The following DGKB variants were observed in gnomAD, a reference collection of about 807,000 sequenced individuals.
DGKB encodes the protein diacylglycerol kinase beta.
DGKB carries 67 observed loss-of-function variants against 114.3 expected under a neutral mutation model. The ratio of observed to expected loss-of-function variants is 0.59; its 90% CI spans 0.48 to 0.72. DGKB has a LOEUF of 0.72. DGKB is among the 30% of genes least tolerant of loss of function. The pLI is 0.00. For missense variants in DGKB, 907 were observed against 975.2 expected (o/e 0.93, Z 0.93); for synonymous variants, 398 against 323.1 (o/e 1.23, Z -2.49).
At chr7:14,837,948 G>T (rs1234470401) in intron 2 of DGKB, among the ~76,000 whole-genome samples, 1 of 152,000 alleles carries the variant, frequency 6.6e-6, no homozygotes, top group African/African-American at 2.4e-5. Flanking sequence ...CATGGAATTG[G>T]CACTATTTCT....
intron 25 of DGKB, among the ~76,000 whole-genome samples, chr7:14,165,280 A>AAATCTGGT (rs2128228757): frequency 6.6e-6 from 1 of 152,312 alleles, no homozygotes; most frequent in Admixed American, 6.5e-5. Context: ...TTTTAAATAA[A>AAATCTGGT]AATCTGGTAA....
intron 13 of DGKB, among the ~76,000 whole-genome samples, chr7:14,665,028 A>T (rs536776231): frequency 6.6e-6 from 1 of 152,196 alleles, no homozygotes; most frequent in Non-Finnish European, 1.5e-5. Flanking sequence ...AGAAATAAAA[A>T]TAACAATTCA....
In DGKB at chr7:14,530,998, T is replaced by G. The variant is rs189801590; in HGVS notation, c.1770+43214A>C. On this transcript the variant is annotated intron_variant, in intron 20 of 25. Coordinates refer to ENST00000402815, the MANE Select transcript of DGKB (RefSeq NM_001350709.2). The stretch of plus-strand genomic sequence containing the variant: ...AATACCATGATAACTTTAGACCATT[T>G]AATATCATCTCCAAATATTGTCACA... 8.2e-4 allele frequency among the ~76,000 whole-genome samples: 125 copies of G among 151,704 alleles called. 1 individual carries two copies. The highest frequency in any genetic ancestry group is 3.0e-4 in the Non-Finnish European group (20 of 67,562).
intron 23 of DGKB, among the ~76,000 whole-genome samples, chr7:14,186,527 C>A (rs1361024013): frequency 1.3e-5 from 2 of 152,050 alleles, no homozygotes; most frequent in South Asian, 4.1e-4. Context: ...GGTGTCTACA[C>A]AAAGGAAAAG....
At chr7:14,209,185 A>AC (rs1491230798) in intron 23 of DGKB, 1 of 219,470 alleles carries the variant, frequency 4.6e-6, no homozygotes, top group South Asian at 3.3e-5. Context: ...AAAAAAAAAA[A>AC]CGCCAAATTT....
At chr7:14,895,872 T>G (rs1323512376) in intron 1 of DGKB, among the ~76,000 whole-genome samples, 2 of 151,696 alleles carry the variant, frequency 1.3e-5, no homozygotes, top group African/African-American at 2.4e-5. Context: ...TTTCTTTTCA[T>G]TAAGGAACCA....
At chr7:14,925,783 G>A (rs932425755) in intron 1 of DGKB, among the ~76,000 whole-genome samples, 2 of 151,972 alleles carry the variant, frequency 1.3e-5, no homozygotes, top group African/African-American at 4.8e-5. Context: ...ATTGTTCCAA[G>A]GTATTGTTTG....
At chr7:14,778,041 C>T (rs931596715) in intron 2 of DGKB, among the ~76,000 whole-genome samples, 12 of 152,126 alleles carry the variant, frequency 7.9e-5, no homozygotes, top group East Asian at 1.9e-4. Flanking sequence ...TTCATATCAC[C>T]GTGAATTAAT....
intron 1 of DGKB, among the ~76,000 whole-genome samples, chr7:14,857,511 C>T (rs1402103860): frequency 1.3e-5 from 2 of 151,860 alleles, no homozygotes; most frequent in African/African-American, 4.8e-5. Context: ...AGCGGATGTT[C>T]GAAGCTGCAA....
At chr7:14,526,186 T>G (rs1790611971) in intron 20 of DGKB, among the ~76,000 whole-genome samples, 1 of 152,164 alleles carries the variant, frequency 6.6e-6, no homozygotes, top group East Asian at 1.9e-4. Context: ...CAGTGTGCAC[T>G]CATTCATTTA....
chr7:14,357,975 GGGCTTCCCTTTGT>G (rs1185083765), intron 21 of DGKB, among the ~76,000 whole-genome samples: 1 of 152,074 alleles, frequency 6.6e-6, no homozygotes, highest in African/African-American at 2.4e-5. Flanking sequence ...TTAGTCTGAT[GGGCTTCCCTTTGT>G]GGGTAACCCG....
At chr7:14,506,918 T>C (rs555569270) in intron 20 of DGKB, among the ~76,000 whole-genome samples, 2 of 152,316 alleles carry the variant, frequency 1.3e-5, no homozygotes, top group South Asian at 2.1e-4. Flanking sequence ...ACAGTAGTTA[T>C]GTATCAAGAG....
At chr7:14,156,477 C>T (rs1409574780) in intron 25 of DGKB, among the ~76,000 whole-genome samples, 2 of 151,998 alleles carry the variant, frequency 1.3e-5, no homozygotes, top group Non-Finnish European at 2.9e-5. Flanking sequence ...TTGCCATGTT[C>T]CAATAAACTC....
intron 1 of DGKB, among the ~76,000 whole-genome samples, chr7:14,900,435 G>A (rs1031414154): frequency 6.6e-6 from 1 of 152,138 alleles, no homozygotes; most frequent in African/African-American, 2.4e-5. Context: ...AAGGCAGCCA[G>A]AAGAAACATC....
intron 17 of DGKB, among the ~76,000 whole-genome samples, chr7:14,583,570 T>C (rs566262041): frequency 6.6e-6 from 1 of 152,338 alleles, no homozygotes; most frequent in African/African-American, 2.4e-5. Context: ...TCAGTAAATA[T>C]GTCTTTAACA....
In DGKB at chr7:14,470,579, A is replaced by G. The variant is rs527398639; in HGVS notation, c.1835+7582T>C. 3.9e-5 allele frequency among the ~76,000 whole-genome samples: 6 copies of G among 151,970 alleles called. No homozygotes were observed. The East Asian group carries it at 1.2e-3, about 29-fold the overall frequency. ...GTTTAATTCCTAAAAGTTTAAAGTG[A>G]AAGAAAACATGAATTCCTACAAATG... On this transcript the variant is annotated intron_variant, in intron 21 of 25. Transcript: ENST00000402815.
intron 23 of DGKB, among the ~76,000 whole-genome samples, chr7:14,213,751 G>A (rs1205503670): frequency 2.0e-5 from 3 of 152,122 alleles, no homozygotes; most frequent in Non-Finnish European, 4.4e-5. Context: ...TCTGGCCCAG[G>A]ATTCTCATGC....
chr7:14,780,578 C>T (rs778379956), intron 2 of DGKB, among the ~76,000 whole-genome samples: 1 of 152,130 alleles, frequency 6.6e-6, no homozygotes, highest in Non-Finnish European at 1.5e-5. Flanking sequence ...ATCAGTAGCT[C>T]AACCCATGCT....
chr7:14,381,973 T>C (rs1819552499), intron 21 of DGKB, among the ~76,000 whole-genome samples: 1 of 152,250 alleles, frequency 6.6e-6, no homozygotes, highest in South Asian at 2.1e-4. Context: ...TAAAATCTTT[T>C]GTTTTGTCAG....
Sources: allele counts gnomAD v4.1 joint callset (sites outside exome capture counted in the v4.1 genomes callset), GRCh38; gene constraint gnomAD v4.1.1; transcripts MANE v1.5; gene names NCBI Gene and HGNC (gene_info 2026-07-23, HGNC 2026-07-21).